The following CGNL1 variants were observed in gnomAD, a reference collection of about 807,000 sequenced individuals.
CGNL1 encodes the protein cingulin like 1, also known as cingulin-like protein 1.
In CGNL1, 132 loss-of-function variants were observed where a neutral mutation model predicts 141.2. That is an observed-to-expected ratio of 0.93 (90% CI 0.81 to 1.08). The LOEUF is 1.08. Ranked by LOEUF, CGNL1 falls within the 50% of genes least tolerant of loss-of-function variation. CGNL1 has a pLI of 0.00. For missense variants in CGNL1, 1,870 were observed against 1,588.6 expected (o/e 1.18, Z -3.01); for synonymous variants, 690 against 622.1 (o/e 1.11, Z -1.63).
At position 57,453,727 on chromosome 15, in the gene CGNL1, T is replaced by A. The variant is rs1163151330; in HGVS notation, c.2099T>A (p.Ile700Asn). 2.5e-6 allele frequency: 4 copies of A among 1,613,752 alleles called. No individual in the cohort carries two copies. The highest frequency in any genetic ancestry group is 3.4e-6 in the Non-Finnish European group (4 of 1,179,922). The change falls in exon 7 of 19, where the codon ATC (isoleucine) becomes AAC (asparagine). Residue 700 changes from isoleucine (I) to asparagine (N), a missense_variant. Physicochemically the swap from Ile to Asn is moderately radical, Grantham distance 149. Coordinates refer to ENST00000281282, the MANE Select transcript of CGNL1 (RefSeq NM_032866.5). ...KMEREQHQTE[I>N]RDLQDQLSEM... The stretch of plus-strand genomic sequence containing the variant: ...GAACGGGAGCAGCATCAGACTGAGA[T>A]CAGGGATCTCCAGGACCAGCTCTCA...
chr15:57,437,780 C>T (rs916637040), intron 1 of CGNL1, among the ~76,000 whole-genome samples: 2 of 152,176 alleles, frequency 1.3e-5, no homozygotes, highest in Non-Finnish European at 2.9e-5. Flanking sequence ...ACTCAGTGGC[C>T]ACGTGGGCTG....
chr15:57,438,065 A>C lies in CGNL1; in HGVS notation c.66A>C (p.Ala22=). The C allele has an allele frequency of 6.2e-7, 1 of 1,614,074 alleles. No individual in the cohort carries two copies. Among genetic ancestry groups the C allele is most frequent in the South Asian group, 1.1e-5 (1 of 91,078 alleles). Reference sequence around the variant, plus strand: ...AATATGGGGTCCATCTGAGACTCGCAAGTGATGATACCCAAAAATCAAGGA... The same window carrying C: ...AATATGGGGTCCATCTGAGACTCGCCAGTGATGATACCCAAAAATCAAGGA... ...QQEYGVHLRL[A]SDDTQKSRSS... The change falls in exon 2 of 19, where the codon GCA becomes GCC. Residue 22 remains alanine (A), a synonymous_variant. Coordinates refer to ENST00000281282, the MANE Select transcript of CGNL1 (RefSeq NM_032866.5).
chr15:57,395,605 G>A (rs571777521), intron 1 of CGNL1, among the ~76,000 whole-genome samples: 1 of 152,350 alleles, frequency 6.6e-6, no homozygotes, highest in South Asian at 2.1e-4. Context: ...GCAGTGCCTG[G>A]CCCCAAGTAA....
chr15:57,546,224 TGAA>T lies in CGNL1; in HGVS notation c.3763_3765del (p.Lys1255del). 4 of 1,587,132 alleles carry T rather than the reference TGAA, an allele frequency of 2.5e-6. No individual in the cohort carries two copies. Among genetic ancestry groups the T allele is most frequent in the South Asian group, 2.3e-5 (2 of 87,192 alleles). On this transcript the variant is annotated inframe_deletion, in exon 18 of 19. Coordinates refer to ENST00000281282, the MANE Select transcript of CGNL1 (RefSeq NM_032866.5). ...CATCTGCAGGGGCAGCTCAACTCCA[TGAA>T]GAAGGACTTAAGGTGGGCAGGTGTG...
At chr15:57,479,275 C>T (rs1360081842) in intron 8 of CGNL1, among the ~76,000 whole-genome samples, 1 of 152,060 alleles carries the variant, frequency 6.6e-6, no homozygotes, top group African/African-American at 2.4e-5. Flanking sequence ...CAGAGTAAGC[C>T]AGAAAAAGGG....
chr15:57,404,003 C>T (rs988830230), intron 1 of CGNL1, among the ~76,000 whole-genome samples: 7 of 152,210 alleles, frequency 4.6e-5, no homozygotes, highest in African/African-American at 1.4e-4. Flanking sequence ...CCAGGGAGTA[C>T]CTTGAGCTAG....
chr15:57,496,028 C>T (rs1006099500), intron 8 of CGNL1, among the ~76,000 whole-genome samples: 1 of 152,048 alleles, frequency 6.6e-6, no homozygotes, highest in African/African-American at 2.4e-5. Flanking sequence ...TGGAATGGAG[C>T]CTCATGAACT....
chr15:57,439,187 C>A lies in CGNL1; in HGVS notation c.1188C>A (p.Gly396=), dbSNP rs144160603. The change falls in exon 2 of 19, where the codon GGC becomes GGA. Residue 396 remains glycine (G), a synonymous_variant. Coordinates refer to ENST00000281282, the MANE Select transcript of CGNL1 (RefSeq NM_032866.5). ...SRSVDSAFPF[G]LQGNSEYLIE... is the part of the protein sequence containing the mutation. ...GCGTGGATAGCGCCTTTCCTTTTGG[C>A]CTCCAAGGGAACTCGGAGTACCTGA... is the stretch of plus-strand genomic sequence containing the variant. 1.4e-3 allele frequency: 2,195 copies of A among 1,614,162 alleles called. 4 individuals are homozygous for A. The highest frequency in any genetic ancestry group is 1.7e-3 in the Non-Finnish European group (1,981 of 1,180,002).
intron 1 of CGNL1, among the ~76,000 whole-genome samples, chr15:57,401,028 G>GATA (rs1383323195): frequency 3.3e-5 from 5 of 150,196 alleles, no homozygotes; most frequent in South Asian, 2.1e-4. Flanking sequence ...TTTTTTTTTA[G>GATA]ATTTTTCTGT....
Position 57,440,414 on chromosome 15 carries a change from C to T in CGNL1, c.1640C>T (p.Thr547Ile). Residue 547 changes from threonine to isoleucine, a missense_variant, in exon 3 of 19, where the codon ACT (threonine) becomes ATT (isoleucine). Coordinates refer to ENST00000281282, the MANE Select transcript of CGNL1 (RefSeq NM_032866.5). ...PDLLKGQQELTQQTNEETAKQ... is the reference protein window; with the variant it reads ...PDLLKGQQELIQQTNEETAKQ... The stretch of plus-strand genomic sequence containing the variant: ...CTCTTAAAGGGCCAGCAAGAGCTCA[C>T]TCAGCAAACCAATGAGGAGACAGCT... The T allele has an allele frequency of 6.2e-7, 1 of 1,603,004 alleles. No individual in the cohort carries two copies. The highest frequency in any genetic ancestry group is 1.1e-5 in the South Asian group (1 of 88,388).
chr15:57,493,597 G>A (rs566751990), intron 8 of CGNL1, among the ~76,000 whole-genome samples: 7 of 152,192 alleles, frequency 4.6e-5, no homozygotes, highest in East Asian at 1.9e-4. Context: ...TTTTCTTTCC[G>A]TTTTGGGGAT....
At chr15:57,418,060 C>G (rs2062869556) in intron 1 of CGNL1, among the ~76,000 whole-genome samples, 1 of 152,106 alleles carries the variant, frequency 6.6e-6, no homozygotes. Context: ...GGGACACCAT[C>G]AGGGACACCT....
chr15:57,528,701 T>A lies in CGNL1; in HGVS notation c.3087T>A (p.Asp1029Glu). 1.9e-6 allele frequency: 3 copies of A among 1,614,110 alleles called. No individual in the cohort carries two copies. Among genetic ancestry groups the A allele is most frequent in the Non-Finnish European group, 2.5e-6 (3 of 1,179,980 alleles). ...TACGGGACTACCAGAGAGCTCAGGA[T>A]GAAGCACTCACAAAAAGGCAGCTTC... ...EELRDYQRAQ[D>E]EALTKRQLLE... The change falls in exon 13 of 19, where the codon GAT becomes GAA. Residue 1029 changes from aspartate to glutamate, a missense_variant. Asp to Glu is a conservative substitution (Grantham distance 45, BLOSUM62 2). Transcript: ENST00000281282.
intron 8 of CGNL1, among the ~76,000 whole-genome samples, chr15:57,471,992 A>C (rs1007717861): frequency 4.6e-5 from 7 of 152,052 alleles, no homozygotes; most frequent in Non-Finnish European, 5.9e-5. Flanking sequence ...AGTCCTAGCT[A>C]CCAGGGTGTG....
intron 1 of CGNL1, among the ~76,000 whole-genome samples, chr15:57,414,568 A>G (rs367817785): frequency 2.6e-5 from 4 of 152,238 alleles, no homozygotes; most frequent in East Asian, 3.9e-4. Flanking sequence ...CCCTGTTGAA[A>G]CTAGATATAT....
chr15:57,524,720 C>A lies in CGNL1; in HGVS notation c.3008C>A (p.Ser1003Tyr). 1 of 1,614,162 alleles carries A rather than the reference C, an allele frequency of 6.2e-7. No homozygotes were observed. The change falls in exon 12 of 19, where the codon TCC becomes TAC. Residue 1003 changes from serine to tyrosine, a missense_variant. By Grantham distance (144) the Ser-to-Tyr change is moderately radical (BLOSUM62 -2). Transcript: ENST00000281282. ...LKEKTLEAEK[S>Y]RLTAMKMQDE... Reference sequence around the variant, plus strand: ...GAGAAAACGCTGGAGGCAGAAAAGTCCCGACTGACAGCCATGAAAATGCAG... The same window carrying A: ...GAGAAAACGCTGGAGGCAGAAAAGTACCGACTGACAGCCATGAAAATGCAG...
At position 57,523,490 on chromosome 15, in the gene CGNL1, G is replaced by A. The variant is rs748686101; in HGVS notation, c.2717G>A (p.Gly906Glu). Residue 906 changes from glycine to glutamate, a missense_variant and splice_region_variant, in exon 11 of 19, where the codon GGA becomes GAA. Transcript: ENST00000281282. ...CTGTCCTTTCCCTGCCATTTGCAGGGAAATCTGAGTCAGACTACCCAGGAG... is the reference window on the plus strand; with the variant it reads ...CTGTCCTTTCCCTGCCATTTGCAGGAAAATCTGAGTCAGACTACCCAGGAG... ...ALENELEAAQ[G>E]NLSQTTQEQK... The A allele has an allele frequency of 1.2e-6, 2 of 1,614,158 alleles. No homozygotes were observed. Among genetic ancestry groups the A allele is most frequent in the East Asian group, 2.2e-5 (1 of 44,884 alleles).
At chr15:57,486,775 A>T (rs1252654241) in intron 8 of CGNL1, among the ~76,000 whole-genome samples, 2 of 152,174 alleles carry the variant, frequency 1.3e-5, no homozygotes, top group African/African-American at 4.8e-5. Context: ...ACACCCAAAG[A>T]GGGGTATCTG....
chr15:57,543,931 C>T, intron 15 of CGNL1, 152 bp downstream of exon 15: 1 of 595,126 alleles, frequency 1.7e-6, no homozygotes, highest in Middle Eastern at 4.5e-4. Context: ...AGTTGTTTTT[C>T]CCGGTCATAT....
Sources: allele counts gnomAD v4.1 joint callset (sites outside exome capture counted in the v4.1 genomes callset), GRCh38; gene constraint gnomAD v4.1.1; transcripts MANE v1.5; gene names NCBI Gene and HGNC (gene_info 2026-07-23, HGNC 2026-07-21).